SNX29: variants seen among roughly 807,000 people sequenced by gnomAD.
The protein encoded by SNX29 is sorting nexin-29.
In SNX29, 78 loss-of-function variants were observed where a neutral mutation model predicts 102.1. The ratio of observed to expected loss-of-function variants is 0.76; its 90% CI spans 0.64 to 0.92. SNX29 has a LOEUF of 0.92. SNX29 is among the 40% of genes least tolerant of loss of function. SNX29 has a pLI of 0.00. For missense variants in SNX29, 1,280 were observed against 1,061.7 expected (o/e 1.21, Z -2.86); for synonymous variants, 580 against 414.5 (o/e 1.40, Z -4.85).
intron 5 of SNX29, among the ~76,000 whole-genome samples, chr16:12,043,627 G>A (rs575463295): frequency 6.6e-6 from 1 of 152,148 alleles, no homozygotes; most frequent in East Asian, 1.9e-4. Flanking sequence ...AAAGTGCTGG[G>A]ATTACAGGTA....
chr16:12,448,361 G>C (rs1246397900), intron 18 of SNX29, among the ~76,000 whole-genome samples: 2 of 152,094 alleles, frequency 1.3e-5, no homozygotes, highest in South Asian at 4.1e-4. Flanking sequence ...GCTGAGTATT[G>C]GACAGCGTTT....
At chr16:12,365,646 A>C (rs368418522) in intron 16 of SNX29, among the ~76,000 whole-genome samples, 3 of 150,898 alleles carry the variant, frequency 2.0e-5, no homozygotes, top group South Asian at 4.2e-4. Context: ...AGCCGAGATC[A>C]CGCAACTACA....
intron 18 of SNX29, among the ~76,000 whole-genome samples, chr16:12,411,150 G>A (rs113280008): frequency 0.02 from 3,075 of 152,292 alleles, 108 homozygotes; most frequent in African/African-American, 0.071. Context: ...AGAAGGACCC[G>A]TTCTAAGGCT....
chr16:12,452,965 T>A (rs1311233269), intron 18 of SNX29, among the ~76,000 whole-genome samples: 1 of 152,136 alleles, frequency 6.6e-6, no homozygotes, highest in Non-Finnish European at 1.5e-5. Context: ...GTGGACTTCG[T>A]CTTGGCTAGT....
chr16:12,129,563 A>G, intron 12 of SNX29, 67 bp from the exon 13 acceptor site: 1 of 1,525,624 alleles, frequency 6.6e-7, no homozygotes, highest in Non-Finnish European at 8.8e-7. Context: ...TATGTTAGGA[A>G]CTGTGTCCTG....
chr16:12,570,681 C>T lies in SNX29; in HGVS notation c.*2052C>T, dbSNP rs539126932. Reference sequence around the variant, plus strand: ...TTGGGCCCAGGCTTATGACCTGCACCTTTTCTGACACCTGCCCCCAAAGCA... The same window carrying T: ...TTGGGCCCAGGCTTATGACCTGCACTTTTTCTGACACCTGCCCCCAAAGCA... On this transcript the variant is annotated 3_prime_UTR_variant, in exon 21 of 21. Coordinates refer to ENST00000566228, the MANE Select transcript of SNX29 (RefSeq NM_032167.5). 3.3e-4 allele frequency: 77 copies of T among 232,114 alleles called. No homozygotes were observed. Among genetic ancestry groups the T allele is most frequent in the African/African-American group, 1.6e-3 (73 of 45,382 alleles). 14.4% of individuals were successfully genotyped at this position (232,114 alleles called of 1,614,324 possible). A position where few individuals can be genotyped will look rare whatever the true frequency, so the allele number is the denominator to read the frequency against.
At chr16:12,401,359 A>ATTTTTT (rs35886680) in intron 17 of SNX29, among the ~76,000 whole-genome samples, 38 of 101,466 alleles carry the variant, frequency 3.7e-4, no homozygotes, top group Admixed American at 4.9e-4. Flanking sequence ...ATAGAGTTAA[A>ATTTTTT]TTTTTTTTTT....
intron 16 of SNX29, among the ~76,000 whole-genome samples, chr16:12,359,075 T>A (rs1198957174): frequency 6.6e-6 from 1 of 152,180 alleles, no homozygotes; most frequent in Non-Finnish European, 1.5e-5. Flanking sequence ...GAAGTACAGG[T>A]AAAATAACCT....
intron 3 of SNX29, among the ~76,000 whole-genome samples, chr16:12,004,634 C>T (rs1189342374): frequency 6.6e-6 from 1 of 152,110 alleles, no homozygotes; most frequent in Non-Finnish European, 1.5e-5. Flanking sequence ...ATGTCCCCCA[C>T]CCTCTCACCC....
intron 16 of SNX29, among the ~76,000 whole-genome samples, chr16:12,359,863 G>T (rs764647853): frequency 6.6e-6 from 1 of 151,798 alleles, no homozygotes; most frequent in African/African-American, 2.4e-5. Context: ...ATGCTGTATC[G>T]CCCAGGCTGG....
intron 13 of SNX29, among the ~76,000 whole-genome samples, chr16:12,155,868 TC>T (rs2141623540): frequency 6.6e-6 from 1 of 152,290 alleles, no homozygotes; most frequent in Non-Finnish European, 1.5e-5. Flanking sequence ...GCTGGGCCCA[TC>T]CTCATGAGAT....
chr16:12,191,297 C>T (rs1441961419), intron 13 of SNX29, among the ~76,000 whole-genome samples: 1 of 152,152 alleles, frequency 6.6e-6, no homozygotes, highest in Non-Finnish European at 1.5e-5. Flanking sequence ...TCCTGACAGC[C>T]ACGGTGATGG....
intron 10 of SNX29, among the ~76,000 whole-genome samples, chr16:12,075,511 C>T (rs913902717): frequency 5.3e-5 from 8 of 152,170 alleles, no homozygotes; most frequent in African/African-American, 1.7e-4. Flanking sequence ...GCTGTCTGAT[C>T]GTTCCTCTGG....
chr16:12,069,109 C>A lies in SNX29; in HGVS notation c.1296C>A (p.Leu432=), dbSNP rs1236105027. The A allele has an allele frequency of 4.3e-6, 7 of 1,613,690 alleles. No homozygotes were observed. The highest frequency in any genetic ancestry group is 5.9e-6 in the Non-Finnish European group (7 of 1,179,698). The change falls in exon 10 of 21, where the codon CTC becomes CTA. Residue 432 remains leucine, a synonymous_variant. Coordinates refer to ENST00000566228, the MANE Select transcript of SNX29 (RefSeq NM_032167.5). The stretch of plus-strand genomic sequence containing the variant: ...GGACAGGACCAGAGGACCACGTTCT[C>A]CCAGATCCTGGACTTCGGTACAGGT... The part of the protein sequence containing the change: ...ENGTGPEDHV[L]PDPGLRYSVE...
intron 9 of SNX29, among the ~76,000 whole-genome samples, chr16:12,065,651 T>C (rs1373415774): frequency 6.6e-6 from 1 of 152,218 alleles, no homozygotes; most frequent in East Asian, 1.9e-4. Flanking sequence ...TAGCTCTTAG[T>C]GGGCAGTTTT....
In SNX29 at chr16:12,573,967, A is replaced by G; in HGVS notation, c.*5338A>G. 5.0e-6 allele frequency: 1 copy of G among 199,314 alleles called. No homozygotes were observed. Among genetic ancestry groups the G allele is most frequent in the Non-Finnish European group, 1.0e-5 (1 of 96,340 alleles). 12.3% of individuals were successfully genotyped at this position (199,314 alleles called of 1,614,324 possible). A position where few individuals can be genotyped will look rare whatever the true frequency, so the allele number is the denominator to read the frequency against. On this transcript the variant is annotated 3_prime_UTR_variant, in exon 21 of 21. Coordinates refer to ENST00000566228, the MANE Select transcript of SNX29 (RefSeq NM_032167.5). ...TGAATGGAGGAGCGATGGTAACCCCACTAGGGGGCGCCCATGATCGGCTCC... is the reference window on the plus strand; with the variant it reads ...TGAATGGAGGAGCGATGGTAACCCCGCTAGGGGGCGCCCATGATCGGCTCC...
At chr16:12,491,092 C>A (rs2088522933) in intron 19 of SNX29, among the ~76,000 whole-genome samples, 1 of 152,252 alleles carries the variant, frequency 6.6e-6, no homozygotes, top group African/African-American at 2.4e-5. Flanking sequence ...AGATGCAGGG[C>A]ATTCTAATGC....
At chr16:12,300,350 A>G (rs964379172) in intron 15 of SNX29, among the ~76,000 whole-genome samples, 8 of 152,140 alleles carry the variant, frequency 5.3e-5, no homozygotes, top group East Asian at 3.9e-4. Context: ...CTGTCCCCAT[A>G]ATGCCTTGGA....
chr16:12,169,198 C>T (rs1365219234), intron 13 of SNX29, among the ~76,000 whole-genome samples: 1 of 152,212 alleles, frequency 6.6e-6, no homozygotes, highest in Non-Finnish European at 1.5e-5. Flanking sequence ...TTGTATCTCA[C>T]AGCTGTTCTT....
Sources: gnomAD v4.1 joint callset for allele counts (sites outside exome capture counted in the v4.1 genomes callset) on GRCh38, gnomAD v4.1.1 for gene constraint, MANE v1.5 for transcripts, NCBI Gene and HGNC (gene_info 2026-07-23, HGNC 2026-07-21) for gene names.